VPS13C: variants seen among roughly 807,000 people sequenced by gnomAD.
VPS13C encodes the protein vacuolar protein sorting 13 homolog C.
In VPS13C, 358 loss-of-function variants were observed where a neutral mutation model predicts 456.8. The observed-to-expected ratio is 0.78, with a 90% CI of 0.72 to 0.86. VPS13C has a LOEUF of 0.86. Ranked by LOEUF, VPS13C falls within the 40% of genes least tolerant of loss-of-function variation. The probability of loss-of-function intolerance (pLI) is 0.00; values close to 1 mark genes in which losing one functional copy is unlikely to be tolerated. For missense variants in VPS13C, 4,818 were observed against 4,385.4 expected (o/e 1.10, Z -2.79); for synonymous variants, 1,578 against 1,486.7 (o/e 1.06, Z -1.41).
At chr15:61,975,053 G>C (rs1244869021) in intron 24 of VPS13C, among the ~76,000 whole-genome samples, 1 of 152,006 alleles carries the variant, frequency 6.6e-6, no homozygotes, top group African/African-American at 2.4e-5. Flanking sequence ...TTTATCTTTG[G>C]CTTCCTGACT....
chr15:61,968,790 G>T (rs1302132435), intron 28 of VPS13C, among the ~76,000 whole-genome samples: 1 of 151,980 alleles, frequency 6.6e-6, no homozygotes, highest in Non-Finnish European at 1.5e-5. Context: ...TGTGGTATAT[G>T]AATACTATTT....
At chr15:61,871,315 G>A (rs1436461743) in intron 79 of VPS13C, among the ~76,000 whole-genome samples, 2 of 152,102 alleles carry the variant, frequency 1.3e-5, no homozygotes, top group Non-Finnish European at 2.9e-5. Flanking sequence ...TTTGCTCATA[G>A]ATATGAAGTT....
At chr15:61,923,190 T>C (rs1210907081) in intron 53 of VPS13C, among the ~76,000 whole-genome samples, 4 of 146,506 alleles carry the variant, frequency 2.7e-5, no homozygotes, top group Non-Finnish European at 6.0e-5. Flanking sequence ...TAAATATCGG[T>C]ATGCAACAAG....
At chr15:61,895,339 A>G (rs2042775284) in intron 66 of VPS13C, among the ~76,000 whole-genome samples, 1 of 152,132 alleles carries the variant, frequency 6.6e-6, no homozygotes, top group Non-Finnish European at 1.5e-5. Flanking sequence ...CAAAATTAGT[A>G]GAAGGAAAAA....
chr15:62,059,379 A>C (rs750604422), intron 1 of VPS13C, among the ~76,000 whole-genome samples: 1 of 152,194 alleles, frequency 6.6e-6, no homozygotes, highest in Non-Finnish European at 1.5e-5. Flanking sequence ...TTTTCCTCCA[A>C]AGCTGACAAA....
intron 38 of VPS13C, 70 bp from the exon 39 acceptor site, chr15:61,952,050 A>G (rs1664052141): frequency 2.0e-6 from 3 of 1,524,730 alleles, no homozygotes; most frequent in South Asian, 1.2e-5. Flanking sequence ...CAAGAATTTA[A>G]TAAGTATCCA....
At chr15:61,968,019 G>A (rs1596396982) in intron 28 of VPS13C, among the ~76,000 whole-genome samples, 1 of 151,556 alleles carries the variant, frequency 6.6e-6, no homozygotes, top group African/African-American at 2.4e-5. Flanking sequence ...GACTTCCAAG[G>A]GCATAACCTT....
At chr15:61,973,773 C>G (rs1431417280) in intron 25 of VPS13C, among the ~76,000 whole-genome samples, 5 of 152,120 alleles carry the variant, frequency 3.3e-5, no homozygotes, top group African/African-American at 1.2e-4. Context: ...CTAAGCCCAG[C>G]TCTAGTAAGT....
At position 61,941,784 on chromosome 15, in the gene VPS13C, A is replaced by G; in HGVS notation, c.5432T>C (p.Leu1811Pro). ...PPVIDKMNIE[L>P]TQLKLSRTIL... The stretch of plus-strand genomic sequence containing the variant: ...ATACCTTGACAGCTTCAACTGAGTG[A>G]GTTCGATGTTCATTTTATCAATGAC... The change falls in exon 46 of 85, where the codon CTC (leucine) becomes CCC (proline). Residue 1811 changes from leucine to proline, a missense_variant. Leu to Pro is a moderately conservative substitution (Grantham distance 98). Coordinates refer to ENST00000644861, the MANE Select transcript of VPS13C (RefSeq NM_020821.3). 1 of 1,612,060 alleles carries G rather than the reference A, an allele frequency of 6.2e-7. No individual in the cohort carries two copies. Among genetic ancestry groups the G allele is most frequent in the Non-Finnish European group, 8.5e-7 (1 of 1,178,790 alleles).
intron 1 of VPS13C, among the ~76,000 whole-genome samples, chr15:62,045,370 AG>A (rs1362819668): frequency 6.6e-6 from 1 of 152,160 alleles, no homozygotes; most frequent in African/African-American, 2.4e-5. Flanking sequence ...CAAGATGAAA[AG>A]GAGGAGTCAC....
intron 67 of VPS13C, among the ~76,000 whole-genome samples, chr15:61,887,464 G>C (rs978162798): frequency 6.6e-6 from 1 of 152,040 alleles, no homozygotes; most frequent in African/African-American, 2.4e-5. Context: ...AAAATAAACT[G>C]GATTAGACTT....
At chr15:61,971,949 C>T (rs2045568612) in intron 27 of VPS13C, among the ~76,000 whole-genome samples, 1 of 152,128 alleles carries the variant, frequency 6.6e-6, no homozygotes, top group Admixed American at 6.5e-5. Flanking sequence ...CATTTTCTAT[C>T]CTTTTTGTTT....
intron 16 of VPS13C, among the ~76,000 whole-genome samples, chr15:61,998,570 T>C (rs1412333413): frequency 1.3e-5 from 2 of 152,094 alleles, no homozygotes; most frequent in Non-Finnish European, 2.9e-5. Context: ...ATCTCACAAA[T>C]CAGGAAACTA....
intron 58 of VPS13C, among the ~76,000 whole-genome samples, chr15:61,918,912 T>C (rs2043559081): frequency 6.6e-6 from 1 of 152,086 alleles, no homozygotes; most frequent in Non-Finnish European, 1.5e-5. Context: ...TTCATACATA[T>C]CTTGAAAAAT....
rs1028511969 is a variant in VPS13C at position 61,858,054 on chromosome 15, C to T, written c.10953-1645G>A. 5.9e-5 allele frequency among the ~76,000 whole-genome samples: 9 copies of T among 152,154 alleles called. No individual in the cohort carries two copies. Among genetic ancestry groups the T allele is most frequent in the African/African-American group, 1.9e-4 (8 of 41,426 alleles). ...AAACAGTCTCCACTGCCCACACTCCCGGCCCCAGTCGATAATCAGCTGACA... is the reference window on the plus strand; with the variant it reads ...AAACAGTCTCCACTGCCCACACTCCTGGCCCCAGTCGATAATCAGCTGACA... On this transcript the variant is annotated intron_variant, in intron 82 of 84. Coordinates refer to ENST00000644861, the MANE Select transcript of VPS13C (RefSeq NM_020821.3). This position sits in a 1 kb window ranked among gnomAD's most constrained non-coding sequence, Gnocchi z 4.4.
chr15:62,020,054 AAAAT>A (rs1217446872), intron 9 of VPS13C, among the ~76,000 whole-genome samples: 18 of 151,684 alleles, frequency 1.2e-4, no homozygotes, highest in Non-Finnish European at 2.2e-4. Flanking sequence ...TAAAATAATC[AAAAT>A]AAATTAATTT....
Position 61,929,610 on chromosome 15 carries a change from A to G in VPS13C, c.6177T>C (p.Thr2059=). Residue 2059 remains threonine (T), a synonymous_variant, in exon 51 of 85, where the codon ACT becomes ACC. Transcript: ENST00000644861. ...CAGCTTTGATAAAGAAATCTGCCAC[A>G]GTCATCAGAAATTCCACACTGGCAC... is the stretch of plus-strand genomic sequence containing the variant. ...YVCASVEFLM[T]VADFFIKAVP... 2 of 1,614,124 alleles carry G rather than the reference A, an allele frequency of 1.2e-6. No individual in the cohort carries two copies. Among genetic ancestry groups the G allele is most frequent in the Non-Finnish European group, 1.7e-6 (2 of 1,179,990 alleles).
chr15:62,041,296 T>G, intron 3 of VPS13C, 28 bp downstream of exon 3: 1 of 1,587,426 alleles, frequency 6.3e-7, no homozygotes, highest in Non-Finnish European at 8.5e-7. Flanking sequence ...GGACCAAGAA[T>G]AATTCAAATG....
At position 61,867,611 on chromosome 15, in the gene VPS13C, A is replaced by G; in HGVS notation, c.10863+1048T>C. The G allele has an allele frequency of 9.2e-7, 1 of 1,084,820 alleles. No homozygotes were observed. Among genetic ancestry groups the G allele is most frequent in the Non-Finnish European group, 1.1e-6 (1 of 895,348 alleles). The allele number at this position is 1,084,820 out of a possible 1,614,324, so 67.2% of individuals were successfully genotyped here. On this transcript the variant is annotated intron_variant, in intron 81 of 84. Coordinates refer to ENST00000644861, the MANE Select transcript of VPS13C (RefSeq NM_020821.3). This position sits in a 1 kb window ranked among gnomAD's most constrained non-coding sequence, Gnocchi z 5.0. The stretch of plus-strand genomic sequence containing the variant: ...GAAATGCACATGAACACCATAAGAT[A>G]AAATTTTCGAAATGATAGTAACAGT...
Sources: allele counts gnomAD v4.1 joint callset (sites outside exome capture counted in the v4.1 genomes callset), GRCh38; gene constraint gnomAD v4.1.1; non-coding constraint Gnocchi (gnomAD v3.1); transcripts MANE v1.5; gene names NCBI Gene and HGNC (gene_info 2026-07-23, HGNC 2026-07-21).